SNRPG: variants seen among roughly 807,000 people sequenced by gnomAD.
SNRPG encodes the protein small nuclear ribonucleoprotein polypeptide G.
Under a neutral mutation model 13.9 loss-of-function variants are expected in SNRPG, and 3 were observed. The observed-to-expected ratio is 0.22, with a 90% CI of 0.10 to 0.56. The LOEUF (loss-of-function observed/expected upper bound fraction) is 0.56. SNRPG is among the 20% of genes least tolerant of loss of function. The probability of loss-of-function intolerance (pLI) is 0.93; values close to 1 mark genes in which losing one functional copy is unlikely to be tolerated. For missense variants in SNRPG, 34 were observed against 96.1 expected (o/e 0.35, Z 2.70); for synonymous variants, 29 against 29.3 (o/e 0.99, Z 0.03).
intron 3 of SNRPG, among the ~76,000 whole-genome samples, chr2:70,282,714 CAGAACCT>C (rs1428524791): frequency 6.6e-6 from 1 of 152,028 alleles, no homozygotes; most frequent in Admixed American, 6.6e-5. Context: ...TTGAATAGGA[CAGAACCT>C]AGAGGCAGAA....
chr2:70,290,823 TAAAAAAAAAAAAAAAAAAAA>T (rs57720967), intron 1 of SNRPG, among the ~76,000 whole-genome samples: 27 of 25,282 alleles, frequency 1.1e-3, no homozygotes, highest in Admixed American at 7.4e-3. Flanking sequence ...CCGTCTCTAC[TAAAAAAAAAAAAAAAAAAAA>T]AAAAAAAAAA....
At chr2:70,285,876 C>G (rs1232901050) in intron 3 of SNRPG, among the ~76,000 whole-genome samples, 2 of 152,184 alleles carry the variant, frequency 1.3e-5, no homozygotes, top group Non-Finnish European at 2.9e-5. Flanking sequence ...GGGGATGTCT[C>G]AGAAGATAGT....
chr2:70,288,443 A>G (rs546091729), intron 2 of SNRPG, among the ~76,000 whole-genome samples: 137 of 152,298 alleles, frequency 9.0e-4, no homozygotes, highest in Non-Finnish European at 1.3e-3. Flanking sequence ...AATTTTTATA[A>G]AGATGGGGGC....
chr2:70,291,389 G>A (rs1697092628), intron 1 of SNRPG: 1 of 152,194 alleles, frequency 6.6e-6, no homozygotes, highest in Non-Finnish European at 1.5e-5. Context: ...AGACTACCGT[G>A]GCAGCAAATT....
intron 1 of SNRPG, among the ~76,000 whole-genome samples, chr2:70,290,612 G>A (rs1001589473): frequency 6.6e-6 from 1 of 151,844 alleles, no homozygotes; most frequent in Non-Finnish European, 1.5e-5. Context: ...CAATTTTAAT[G>A]TATAGGATTA....
Position 70,281,512 on chromosome 2 carries a change from T to C in SNRPG, c.*122A>G. 1.9e-6 allele frequency: 1 copy of C among 513,588 alleles called. No individual in the cohort carries two copies. The highest frequency in any genetic ancestry group is 3.5e-6 in the Non-Finnish European group (1 of 285,968). 31.8% of individuals were successfully genotyped at this position (513,588 alleles called of 1,614,324 possible). A position where few individuals can be genotyped will look rare whatever the true frequency, so the allele number is the denominator to read the frequency against. ...GAACATCTGAGAAAGCATTTTTGAC[T>C]ATTACAAAAGTTTATTTAACAAAAA... On this transcript the variant is annotated 3_prime_UTR_variant, in exon 4 of 4. Transcript: ENST00000272348.
At chr2:70,285,158 G>GCTT (rs1028851967) in intron 3 of SNRPG, among the ~76,000 whole-genome samples, 82 of 152,330 alleles carry the variant, frequency 5.4e-4, no homozygotes, top group African/African-American at 1.9e-3. Flanking sequence ...GCTGTAAAGT[G>GCTT]CTTCCTTTAA....
chr2:70,281,788 C>A, intron 3 of SNRPG, 104 bp from the exon 4 acceptor site: 1 of 647,932 alleles, frequency 1.5e-6, no homozygotes, highest in Non-Finnish European at 2.7e-6. Flanking sequence ...TTTAATATTA[C>A]ATGTCGGTTT....
intron 3 of SNRPG, among the ~76,000 whole-genome samples, chr2:70,286,169 C>A (rs1696937191): frequency 2.0e-5 from 3 of 152,174 alleles, no homozygotes; most frequent in Non-Finnish European, 4.4e-5. Flanking sequence ...CTCAAGTGAT[C>A]CTCCTGCTTC....
chr2:70,283,122 AAAC>A (rs1553474952), intron 3 of SNRPG, among the ~76,000 whole-genome samples: 21 of 82,990 alleles, frequency 2.5e-4, no homozygotes, highest in Middle Eastern at 9.4e-3. Flanking sequence ...AAAAAAAAAA[AAAC>A]AACAAACCAA....
intron 3 of SNRPG, among the ~76,000 whole-genome samples, 153 bp from the exon 4 acceptor site, chr2:70,281,837 C>CT (rs1696793782): frequency 6.6e-6 from 1 of 152,206 alleles, no homozygotes; most frequent in African/African-American, 2.4e-5. Flanking sequence ...CCAAACAACT[C>CT]TAAGCCCTTT....
At position 70,281,563 on chromosome 2, in the gene SNRPG, T is replaced by A. The variant is rs956811081; in HGVS notation, c.*71A>T. 2 of 812,120 alleles carry A rather than the reference T, an allele frequency of 2.5e-6. No individual in the cohort carries two copies. Among genetic ancestry groups the A allele is most frequent in the Non-Finnish European group, 3.9e-6 (2 of 513,454 alleles). 50.3% of individuals were successfully genotyped at this position (812,120 alleles called of 1,614,324 possible). ...GTCTAATATGAAAATGTACATGACC[T>A]AATTTTTACATCATAGTAAAACAGG... On this transcript the variant is annotated 3_prime_UTR_variant, in exon 4 of 4. Transcript: ENST00000272348.
At chr2:70,292,819 A>G (rs1052682002) in intron 1 of SNRPG, 1 of 287,774 alleles carries the variant, frequency 3.5e-6, no homozygotes, top group African/African-American at 2.2e-5. Context: ...TTCCAGCATC[A>G]GGAAGTATAA....
intron 2 of SNRPG, among the ~76,000 whole-genome samples, 168 bp from the exon 3 acceptor site, chr2:70,288,360 AATTTAT>A (rs551308539): frequency 1.2e-3 from 182 of 152,346 alleles, no homozygotes; most frequent in African/African-American, 4.2e-3. Flanking sequence ...TCCACATTTT[AATTTAT>A]AAGAATCCTA....
intron 3 of SNRPG, among the ~76,000 whole-genome samples, chr2:70,285,405 CTACTAAAAA>C (rs1443626583): frequency 2.0e-5 from 3 of 152,090 alleles, no homozygotes; most frequent in Non-Finnish European, 4.4e-5. Context: ...AACCCTGTCT[CTACTAAAAA>C]TACAAAAATT....
chr2:70,288,299 C>G, intron 2 of SNRPG, 107 bp from the exon 3 acceptor site: 1 of 862,158 alleles, frequency 1.2e-6, no homozygotes, highest in Non-Finnish European at 1.9e-6. Flanking sequence ...GTCTGAAACC[C>G]ACTATCCTTA....
At chr2:70,282,269 C>CT (rs927587433) in intron 3 of SNRPG, among the ~76,000 whole-genome samples, 22 of 152,126 alleles carry the variant, frequency 1.4e-4, no homozygotes, top group African/African-American at 5.3e-4. Context: ...ATCCCTGACT[C>CT]TATGGGATCC....
At chr2:70,283,403 G>T (rs1414424843) in intron 3 of SNRPG, among the ~76,000 whole-genome samples, 1 of 152,236 alleles carries the variant, frequency 6.6e-6, no homozygotes, top group Non-Finnish European at 1.5e-5. Flanking sequence ...TATTAGAAAT[G>T]GAGGCATTCC....
chr2:70,289,484 GA>G, intron 1 of SNRPG, 112 bp from the exon 2 acceptor site: 2 of 602,274 alleles, frequency 3.3e-6, no homozygotes, highest in East Asian at 6.2e-5. Flanking sequence ...TGGGAATAAT[GA>G]AATCTAAAAT....
Sources: allele counts gnomAD v4.1 joint callset (sites outside exome capture counted in the v4.1 genomes callset), GRCh38; gene constraint gnomAD v4.1.1; transcripts MANE v1.5; gene names NCBI Gene and HGNC (gene_info 2026-07-23, HGNC 2026-07-21).